Variants in KCNB2 observed in about 807,000 individuals in gnomAD.
The protein encoded by KCNB2 is potassium voltage-gated channel subfamily B member 2, also known as delayed rectifier potassium channel protein.
Under a neutral mutation model 61.5 loss-of-function variants are expected in KCNB2, and 15 were observed. That is an observed-to-expected ratio of 0.24 (90% CI 0.16 to 0.38). The LOEUF (loss-of-function observed/expected upper bound fraction) is 0.38. KCNB2 is among the 10% of genes least tolerant of loss of function. The probability of loss-of-function intolerance (pLI) is 1.00; values close to 1 mark genes in which losing one functional copy is unlikely to be tolerated. For missense variants in KCNB2, 828 were observed against 1,125.2 expected (o/e 0.74, Z 3.78); for synonymous variants, 457 against 446.0 (o/e 1.02, Z -0.31).
intron 2 of KCNB2, among the ~76,000 whole-genome samples, chr8:72,925,605 C>A (rs764022532): frequency 2.0e-5 from 3 of 151,974 alleles, no homozygotes; most frequent in African/African-American, 7.3e-5. Flanking sequence ...ACCAAGCTGG[C>A]GAAATTGTGG....
In KCNB2 at chr8:72,937,635, C is replaced by A. The variant is rs115151346; in HGVS notation, c.2280C>A (p.Thr760=). Residue 760 remains threonine (T), a synonymous_variant, in exon 3 of 3, where the codon ACC becomes ACA. Coordinates refer to ENST00000523207, the MANE Select transcript of KCNB2 (RefSeq NM_004770.3). ...QHISTILLEE[T]PSQGDRPLLG... Reference sequence around the variant, plus strand: ...TCAGTACCATCCTCTTAGAAGAAACCCCCTCCCAGGGAGACAGACCCTTGC... The same window carrying A: ...TCAGTACCATCCTCTTAGAAGAAACACCCTCCCAGGGAGACAGACCCTTGC... The A allele has an allele frequency of 6.2e-7, 1 of 1,613,822 alleles. No individual in the cohort carries two copies. Among genetic ancestry groups the A allele is most frequent in the African/African-American group, 1.3e-5 (1 of 74,856 alleles).
At chr8:72,625,457 G>T (rs1383955211) in intron 2 of KCNB2, among the ~76,000 whole-genome samples, 1 of 152,090 alleles carries the variant, frequency 6.6e-6, no homozygotes, top group Non-Finnish European at 1.5e-5. Flanking sequence ...TTGAGACAGA[G>T]TCTCATTCTG....
intron 2 of KCNB2, among the ~76,000 whole-genome samples, chr8:72,649,211 C>T (rs2128986280): frequency 6.6e-6 from 1 of 152,192 alleles, no homozygotes; most frequent in East Asian, 1.9e-4. Flanking sequence ...AACTTTTTCA[C>T]TTTGGATTTA....
intron 2 of KCNB2, among the ~76,000 whole-genome samples, chr8:72,597,776 T>C (rs542688681): frequency 8.5e-5 from 13 of 152,288 alleles, no homozygotes; most frequent in Admixed American, 2.6e-4. Flanking sequence ...AATTCATCCC[T>C]AACTTTATCA....
At chr8:72,625,569 T>C (rs1805776534) in intron 2 of KCNB2, among the ~76,000 whole-genome samples, 2 of 152,150 alleles carry the variant, frequency 1.3e-5, no homozygotes, top group Non-Finnish European at 2.9e-5. Flanking sequence ...TAGCTGAGAC[T>C]ACAGGCGTGT....
intron 2 of KCNB2, among the ~76,000 whole-genome samples, chr8:72,907,154 C>A (rs1806192917): frequency 6.6e-6 from 1 of 152,088 alleles, no homozygotes; most frequent in African/African-American, 2.4e-5. Context: ...GTCAAGAGAT[C>A]AAGACCATCC....
In KCNB2 at chr8:72,818,988, A is replaced by G. The variant is rs1263225813; in HGVS notation, c.580-116947A>G. On this transcript the variant is annotated intron_variant, in intron 2 of 2. Transcript: ENST00000523207. ...TCTTTCGTGTCTCAGATTCACCATT[A>G]TTTATTTGTAGAATAGTGAGATAGT... is the stretch of plus-strand genomic sequence containing the variant. 2.6e-5 allele frequency among the ~76,000 whole-genome samples: 4 copies of G among 152,130 alleles called. No individual in the cohort carries two copies. The South Asian group carries it at 6.2e-4, about 24-fold the overall frequency.
chr8:72,920,473 CTA>C lies in KCNB2; in HGVS notation c.580-15448_580-15447del, dbSNP rs1554544463. 8.3e-3 allele frequency among the ~76,000 whole-genome samples: 656 copies of C among 78,746 alleles called. 60 individuals carry two copies. The highest frequency in any genetic ancestry group is 0.027 in the African/African-American group (606 of 22,164). 51.7% of individuals were successfully genotyped at this position (78,746 alleles called of 152,430 possible). ...TCTATCTATCTATCTATCTATCTATCTATATATATATATATTAGCTGGCCATG... is the reference window on the plus strand; with the variant it reads ...TCTATCTATCTATCTATCTATCTATCTATATATATATATTAGCTGGCCATG... On this transcript the variant is annotated intron_variant, in intron 2 of 2. Transcript: ENST00000523207.
intron 2 of KCNB2, among the ~76,000 whole-genome samples, chr8:72,682,955 CATT>C (rs1423381090): frequency 1.3e-5 from 2 of 152,252 alleles, no homozygotes; most frequent in East Asian, 3.9e-4. Context: ...AAAATAACAT[CATT>C]GAGATAAGAT....
intron 2 of KCNB2, among the ~76,000 whole-genome samples, chr8:72,617,823 A>G (rs921331277): frequency 1.3e-5 from 2 of 152,174 alleles, no homozygotes; most frequent in Admixed American, 6.5e-5. Flanking sequence ...CCCAAGTAAT[A>G]AACAACTAAT....
chr8:72,656,639 T>C (rs1008752281), intron 2 of KCNB2, among the ~76,000 whole-genome samples: 8 of 152,138 alleles, frequency 5.3e-5, no homozygotes, highest in Non-Finnish European at 8.8e-5. Flanking sequence ...GAATCTTAGG[T>C]TTTCACAATT....
At chr8:72,591,015 C>T (rs191849303) in intron 2 of KCNB2, among the ~76,000 whole-genome samples, 5 of 152,246 alleles carry the variant, frequency 3.3e-5, no homozygotes, top group African/African-American at 1.2e-4. Flanking sequence ...GATAAGTATG[C>T]GTCACACCTT....
At chr8:72,587,312 T>A (rs911577517) in intron 2 of KCNB2, among the ~76,000 whole-genome samples, 4 of 152,158 alleles carry the variant, frequency 2.6e-5, no homozygotes, top group Non-Finnish European at 5.9e-5. Flanking sequence ...TAGCTGATGA[T>A]TTCCAGCTCC....
intron 2 of KCNB2, among the ~76,000 whole-genome samples, chr8:72,646,929 C>T (rs1440765594): frequency 6.6e-6 from 1 of 152,130 alleles, no homozygotes; most frequent in South Asian, 2.1e-4. Context: ...AGGAAAGTTA[C>T]AGTGATTCTA....
intron 2 of KCNB2, among the ~76,000 whole-genome samples, chr8:72,672,960 T>C (rs1806589887): frequency 6.6e-6 from 1 of 152,220 alleles, no homozygotes; most frequent in African/African-American, 2.4e-5. Flanking sequence ...AGTAAAATGC[T>C]GCAGCTGCTG....
At chr8:72,905,087 T>C (rs951030835) in intron 2 of KCNB2, among the ~76,000 whole-genome samples, 5 of 152,188 alleles carry the variant, frequency 3.3e-5, no homozygotes, top group Admixed American at 6.5e-5. Context: ...CCTTCAGTGT[T>C]CCTGCTCCTA....
Position 72,843,867 on chromosome 8 carries a change from C to G in KCNB2, c.580-92068C>G, listed in dbSNP as rs190527302. On this transcript the variant is annotated intron_variant, in intron 2 of 2. Coordinates refer to ENST00000523207, the MANE Select transcript of KCNB2 (RefSeq NM_004770.3). The stretch of plus-strand genomic sequence containing the variant: ...GATGGGTCTCCTGAATACAGCACAC[C>G]AATGGGTCTTGACTCTTTATCCAAT... Among the ~76,000 whole-genome samples, 5 of 152,164 alleles carry G rather than the reference C, an allele frequency of 3.3e-5. 1 individual carries two copies. The South Asian group carries it at 8.3e-4, about 25-fold the overall frequency.
intron 2 of KCNB2, among the ~76,000 whole-genome samples, chr8:72,828,444 T>A (rs1233349264): frequency 2.0e-5 from 3 of 152,130 alleles, no homozygotes; most frequent in Non-Finnish European, 4.4e-5. Context: ...GTACCTGGAT[T>A]TTTTTTAATG....
At chr8:72,721,405 T>G (rs1469421327) in intron 2 of KCNB2, among the ~76,000 whole-genome samples, 1 of 152,230 alleles carries the variant, frequency 6.6e-6, no homozygotes, top group African/African-American at 2.4e-5. Context: ...CTTCTCTTTA[T>G]TCCAGCCATA....
Sources: allele counts gnomAD v4.1 joint callset (sites outside exome capture counted in the v4.1 genomes callset), GRCh38; gene constraint gnomAD v4.1.1; transcripts MANE v1.5; gene names NCBI Gene and HGNC (gene_info 2026-07-23, HGNC 2026-07-21).